Variants in CUL2 observed in about 807,000 individuals in gnomAD.
CUL2 encodes the protein cullin 2.
Under a neutral mutation model 110.2 loss-of-function variants are expected in CUL2, and 22 were observed. The observed-to-expected ratio is 0.20, with a 90% confidence interval of 0.14 to 0.28. The LOEUF (loss-of-function observed/expected upper bound fraction) is 0.28. CUL2 is among the 10% of genes least tolerant of loss of function. The pLI, the probability that CUL2 is intolerant of heterozygous loss-of-function variation, is 1.00. For missense variants in CUL2, 631 were observed against 905.5 expected, an observed-to-expected ratio of 0.70 and a Z score of 3.89; for synonymous variants, 279 against 293.2, an observed-to-expected ratio of 0.95 and a Z score of 0.49.
At chr10:35,125,183 A>G (rs563993438) in intron 1 of CUL2, among the ~76,000 whole-genome samples, 1 of 152,382 alleles carries the variant, frequency 6.6e-6, no homozygotes, top group South Asian at 2.1e-4. Flanking sequence ...ATGGTTTTTA[A>G]GTCTATTACA....
intron 1 of CUL2, among the ~76,000 whole-genome samples, chr10:35,079,939 G>C (rs557862815): frequency 6.6e-6 from 1 of 152,312 alleles, no homozygotes; most frequent in East Asian, 1.9e-4. Flanking sequence ...CATCCACAGC[G>C]TAGAGATGCT....
At chr10:35,062,433 G>A (rs1462240635) in intron 3 of CUL2, among the ~76,000 whole-genome samples, 3 of 152,112 alleles carry the variant, frequency 2.0e-5, no homozygotes, top group Non-Finnish European at 2.9e-5. Flanking sequence ...GGACGTAGGA[G>A]CACATTTTAA....
At chr10:35,075,292 C>T (rs1465004317) in intron 1 of CUL2, among the ~76,000 whole-genome samples, 1 of 152,078 alleles carries the variant, frequency 6.6e-6, no homozygotes, top group East Asian at 1.9e-4. Context: ...GCTCATATAA[C>T]TAGGAAAATT....
chr10:35,023,198 G>A (rs1277489520), intron 17 of CUL2, among the ~76,000 whole-genome samples: 2 of 151,996 alleles, frequency 1.3e-5, no homozygotes, highest in African/African-American at 2.4e-5. Flanking sequence ...GCATCACACT[G>A]TACACTGTAA....
upstream of CUL2, among the ~76,000 whole-genome samples, chr10:35,093,009 T>C (rs1365008447): frequency 1.3e-5 from 2 of 152,090 alleles, no homozygotes; most frequent in Non-Finnish European, 2.9e-5. Context: ...GATTGCTTTT[T>C]GAGATATTTT....
At position 35,123,199 on chromosome 10, in the gene CUL2, T is replaced by A. The variant is rs1462631720; in HGVS notation, c.-51+3406A>T. 2.0e-5 allele frequency among the ~76,000 whole-genome samples: 3 copies of A among 152,106 alleles called. No homozygotes were observed. The East Asian group carries it at 5.8e-4, about 29-fold the overall frequency. ...AAAACAAAGGACTTCATGCCAAACT[T>A]AGTTACACTCTGTCAGCTAATAACA... On this transcript the variant is annotated intron_variant, in intron 1 of 5. Coordinates refer to the CUL2 transcript ENST00000685421.
chr10:35,047,055 G>T (rs1165577475), intron 6 of CUL2, among the ~76,000 whole-genome samples: 1 of 152,052 alleles, frequency 6.6e-6, no homozygotes, highest in Admixed American at 6.6e-5. Flanking sequence ...AATTTTCCAG[G>T]TAATAAAGAA....
chr10:35,092,308 C>T (rs992425659), upstream of CUL2, among the ~76,000 whole-genome samples: 11 of 152,188 alleles, frequency 7.2e-5, 1 homozygote, highest in South Asian at 8.3e-4. Context: ...CAAAGGAATA[C>T]GGACACTATT....
chr10:35,024,886 G>C (rs935624842), intron 17 of CUL2, among the ~76,000 whole-genome samples: 1 of 152,132 alleles, frequency 6.6e-6, no homozygotes, highest in Non-Finnish European at 1.5e-5. Context: ...GTTGGCTAGA[G>C]AAATGTAATA....
intron 9 of CUL2, 88 bp from the exon 10 acceptor site, chr10:35,035,384 A>G (rs2085595572): frequency 1.4e-6 from 2 of 1,451,292 alleles, no homozygotes; most frequent in Non-Finnish European, 1.9e-6. Context: ...AGTACAATAT[A>G]CGGATCCAAG....
chr10:35,032,503 A>G lies in CUL2; in HGVS notation c.1111-9T>C. ...ACAACTGACGTAAGGGCCTGAATAA[A>G]AAAACACGCCATAATTAACCACCAG... On this transcript the variant is annotated splice_polypyrimidine_tract_variant and intron_variant, in intron 11 of 20. Transcript: ENST00000374749. The G allele has an allele frequency of 6.3e-7, 1 of 1,581,842 alleles. No individual in the cohort carries two copies. The highest frequency in any genetic ancestry group is 1.4e-5 in the African/African-American group (1 of 73,040).
At chr10:35,082,004 A>T (rs1234531557) in intron 1 of CUL2, among the ~76,000 whole-genome samples, 1 of 152,124 alleles carries the variant, frequency 6.6e-6, no homozygotes, top group Admixed American at 6.6e-5. Flanking sequence ...TCCTGTTTAC[A>T]ATCCCAAAGA....
At chr10:35,115,496 G>C (rs976351979) in intron 1 of CUL2, among the ~76,000 whole-genome samples, 5 of 152,190 alleles carry the variant, frequency 3.3e-5, no homozygotes, top group African/African-American at 1.2e-4. Context: ...GGAGGCAGAG[G>C]TTGCAGTGAG....
chr10:35,091,273 T>C (rs922753744), upstream of CUL2, among the ~76,000 whole-genome samples: 1 of 152,206 alleles, frequency 6.6e-6, no homozygotes, highest in Non-Finnish European at 1.5e-5. Context: ...ATTTATACGA[T>C]TCAGCAAGCT....
At chr10:35,065,653 A>G (rs1322284123) in intron 2 of CUL2, among the ~76,000 whole-genome samples, 1 of 151,980 alleles carries the variant, frequency 6.6e-6, no homozygotes, top group African/African-American at 2.4e-5. Flanking sequence ...TTAAAAAAAG[A>G]GATTGAGACC....
At chr10:35,057,357 G>A (rs2086262983) in intron 4 of CUL2, among the ~76,000 whole-genome samples, 1 of 151,684 alleles carries the variant, frequency 6.6e-6, no homozygotes, top group Non-Finnish European at 1.5e-5. Context: ...GAAATACAAT[G>A]TTTTAAAATA....
chr10:35,036,215 G>C (rs138329813), intron 9 of CUL2, among the ~76,000 whole-genome samples: 183 of 152,252 alleles, frequency 1.2e-3, no homozygotes, highest in African/African-American at 4.2e-3. Flanking sequence ...CAATTCTTTC[G>C]TGTCTGGCTT....
chr10:35,106,369 G>C (rs1415719346), intron 1 of CUL2, among the ~76,000 whole-genome samples: 3 of 151,750 alleles, frequency 2.0e-5, no homozygotes, highest in African/African-American at 7.3e-5. Flanking sequence ...GCCCAGGCTG[G>C]AGTGCAGTGG....
At position 35,013,789 on chromosome 10, in the gene CUL2, A is replaced by T; in HGVS notation, c.1899T>A (p.Asp633Glu). ...TATTTAATGAAAACGAAGATTCTGC[A>T]TCAATATCTTCCTACATTTAAAAAT... ...INHDSEKEDIDAESSFSLNMN... is the reference protein window; with the variant it reads ...INHDSEKEDIEAESSFSLNMN... The change falls in exon 19 of 21, where the codon GAT becomes GAA. Residue 633 changes from aspartate (D) to glutamate (E), a missense_variant. Asp to Glu is a conservative substitution (Grantham distance 45). Around this residue, in one of 3 missense-constraint regions of CUL2, gnomAD observed 159 missense variants for 202.7 expected, o/e 0.78. Transcript: ENST00000374749. The T allele has an allele frequency of 6.6e-7, 1 of 1,509,108 alleles. No individual in the cohort carries two copies. The highest frequency in any genetic ancestry group is 9.0e-7 in the Non-Finnish European group (1 of 1,114,870). 93.5% of individuals were successfully genotyped at this position (1,509,108 alleles called of 1,614,324 possible). A position where few individuals can be genotyped will look rare whatever the true frequency, so the allele number is the denominator to read the frequency against.
Sources: allele counts gnomAD v4.1 joint callset (sites outside exome capture counted in the v4.1 genomes callset), GRCh38; gene constraint gnomAD v4.1.1; regional missense constraint gnomAD v4.1.1; transcripts MANE v1.5; gene names NCBI Gene and HGNC (gene_info 2026-07-23, HGNC 2026-07-21).